DNAJC10: variants seen among roughly 807,000 people sequenced by gnomAD.
The protein encoded by DNAJC10 is DnaJ heat shock protein family (Hsp40) member C10, also known as endoplasmic reticulum disulfide reductase DNAJC10.
In DNAJC10, 101 loss-of-function variants were observed where a neutral mutation model predicts 115.0. The observed-to-expected ratio is 0.88, with a 90% CI of 0.75 to 1.04. The LOEUF (loss-of-function observed/expected upper bound fraction) is 1.04, where lower values mean the gene tolerates loss of function less well. Among genes scored for constraint, DNAJC10 ranks in the 50% least tolerant of loss-of-function variants. The pLI, the probability that DNAJC10 is intolerant of heterozygous loss-of-function variation, is 0.00. For synonymous variants in DNAJC10, 307 were observed against 301.5 expected, an observed-to-expected ratio of 1.02 and a Z score of -0.19; for missense variants, 981 against 928.8, an observed-to-expected ratio of 1.06 and a Z score of -0.73.
rs1370050759 is a variant in DNAJC10 at position 182,793,864 on chromosome 2, A to ACACACACACACTAC, written c.*16733_*16734insACACACACACTACC. The ACACACACACACTAC allele has an allele frequency of 7.1e-6, 1 of 140,790 alleles. No individual in the cohort carries two copies. Among genetic ancestry groups the ACACACACACACTAC allele is most frequent in the African/African-American group, 2.5e-5 (1 of 39,396 alleles). 8.7% of individuals were successfully genotyped at this position (140,790 alleles called of 1,614,324 possible). On this transcript the variant is annotated 3_prime_UTR_variant, in exon 24 of 24. Transcript: ENST00000264065. ...CACACACACACACACACACACACAC[A>ACACACACACACTAC]CTACCTACAAAAAAATAACAATTAG...
chr2:182,746,464 T>A (rs1693869266), intron 14 of DNAJC10, among the ~76,000 whole-genome samples: 1 of 152,182 alleles, frequency 6.6e-6, no homozygotes, highest in Non-Finnish European at 1.5e-5. Context: ...TCATTTTGAT[T>A]TGCATTTCTC....
Position 182,752,111 on chromosome 2 carries a change from A to G in DNAJC10, c.1474A>G (p.Arg492Gly), listed in dbSNP as rs368684952. Residue 492 changes from arginine to glycine, a missense_variant, in exon 16 of 24, where the codon AGA becomes GGA. Arg to Gly is a moderately radical substitution (Grantham distance 125). Transcript: ENST00000264065. ...PCRALLPELR[R>G]ASNLLYGQLK... ...TCGAGCTTTACTACCAGAGTTACGA[A>G]GAGCATCAAATCTTCTTTATGGTCA... The G allele has an allele frequency of 9.3e-6, 15 of 1,613,730 alleles. No homozygotes were observed. In the African/African-American group the frequency reaches 1.3e-4, roughly 14 times the overall value.
Position 182,784,320 on chromosome 2 carries a change from T to A in DNAJC10, c.*7188T>A, listed in dbSNP as rs569317484. Reference sequence around the variant, plus strand: ...GCCTGGGTGACGGAGTAAGACCCTGTCTAAAAAAAAACAAAACAACAAAAA... The same window carrying A: ...GCCTGGGTGACGGAGTAAGACCCTGACTAAAAAAAAACAAAACAACAAAAA... On this transcript the variant is annotated 3_prime_UTR_variant, in exon 24 of 24. Transcript: ENST00000264065. 8.6e-5 allele frequency: 13 copies of A among 152,036 alleles called. No homozygotes were observed. The highest frequency in any genetic ancestry group is 2.9e-4 in the African/African-American group (12 of 41,432). 9.4% of individuals were successfully genotyped at this position (152,036 alleles called of 1,614,324 possible).
At chr2:182,716,678 C>G (rs1428034375) in intron 1 of DNAJC10, among the ~76,000 whole-genome samples, 195 bp downstream of exon 1, 1 of 152,222 alleles carries the variant, frequency 6.6e-6, no homozygotes, top group East Asian at 1.9e-4. Context: ...GCGATTCCCT[C>G]TCAGTTACTT....
intron 23 of DNAJC10, among the ~76,000 whole-genome samples, chr2:182,776,787 G>T (rs1226255419): frequency 6.6e-6 from 1 of 152,070 alleles, no homozygotes; most frequent in Non-Finnish European, 1.5e-5. Flanking sequence ...TTTGAAAGGT[G>T]TAACTTTTAT....
Position 182,758,893 on chromosome 2 carries a change from G to T in DNAJC10, c.1997+3G>T. ...TCCCTGAGAATCTGGGGTCTAGGGT[G>T]AGTAATTAAAATATATATCATTGTA... On this transcript the variant is annotated splice_donor_region_variant and intron_variant, in intron 20 of 23. Coordinates refer to ENST00000264065, the MANE Select transcript of DNAJC10 (RefSeq NM_018981.4). 6.3e-7 allele frequency: 1 copy of T among 1,587,746 alleles called. No homozygotes were observed. The highest frequency in any genetic ancestry group is 1.1e-5 in the South Asian group (1 of 90,246).
rs531907402 is a variant in DNAJC10, at chr2:182,778,440, G to A, written c.*1308G>A. ...TGTAGTTGTTTAGTTATAATTCAGA[G>A]TGTACAGAATGGTAAAAATTCCAAT... On this transcript the variant is annotated 3_prime_UTR_variant, in exon 24 of 24. Transcript: ENST00000264065. 6.6e-6 allele frequency: 1 copy of A among 152,296 alleles called. No individual in the cohort carries two copies. The highest frequency in any genetic ancestry group is 1.5e-5 in the Non-Finnish European group (1 of 68,024). The allele number at this position is 152,296 out of a possible 1,614,324, so 9.4% of individuals were successfully genotyped here. A position where few individuals can be genotyped will look rare whatever the true frequency, so the allele number is the denominator to read the frequency against.
intron 22 of DNAJC10, among the ~76,000 whole-genome samples, chr2:182,769,453 G>A (rs983502810): frequency 6.6e-6 from 1 of 152,160 alleles, no homozygotes; most frequent in Non-Finnish European, 1.5e-5. Flanking sequence ...CAGTGTAAAA[G>A]TGTTCCTGTT....
intron 11 of DNAJC10, among the ~76,000 whole-genome samples, chr2:182,738,130 T>C (rs1249439294): frequency 6.6e-6 from 1 of 152,232 alleles, no homozygotes; most frequent in Non-Finnish European, 1.5e-5. Flanking sequence ...ACTGACTAGA[T>C]GTGACATACT....
chr2:182,732,879 GCT>G (rs779864716), intron 10 of DNAJC10: 9 of 268,512 alleles, frequency 3.4e-5, no homozygotes, highest in Admixed American at 5.6e-5. Context: ...AATGTATATA[GCT>G]CTCATGTTAT....
chr2:182,750,545 C>T lies in DNAJC10; in HGVS notation c.1307-1113C>T, dbSNP rs189540229. Among the ~76,000 whole-genome samples, 1,101 of 152,170 alleles carry T rather than the reference C, an allele frequency of 7.2e-3. 5 individuals carry two copies. The highest frequency in any genetic ancestry group is 0.032 in the South Asian group (154 of 4,818). On this transcript the variant is annotated intron_variant, in intron 14 of 23. Transcript: ENST00000264065. ...TATTGCCATGTGTCAACGACAGAGA[C>T]GTCTTCTGAGAAATGTGTCATTAGG...
chr2:182,785,973 A>T lies in DNAJC10; in HGVS notation c.*8841A>T, dbSNP rs1694938839. 6.6e-6 allele frequency: 1 copy of T among 152,146 alleles called. No homozygotes were observed. Among genetic ancestry groups the T allele is most frequent in the African/African-American group, 2.4e-5 (1 of 41,446 alleles). The allele number at this position is 152,146 out of a possible 1,614,324, so 9.4% of individuals were successfully genotyped here. On this transcript the variant is annotated 3_prime_UTR_variant, in exon 24 of 24. Transcript: ENST00000264065. ...GTAACCAGGATCTGAGAGAAACCAA[A>T]AAAAAGTGGGGAGATAATAATCCAG...
At position 182,728,847 on chromosome 2, in the gene DNAJC10, TC is replaced by T; in HGVS notation, c.502-15del. On this transcript the variant is annotated splice_polypyrimidine_tract_variant and intron_variant, in intron 6 of 23. Coordinates refer to ENST00000264065, the MANE Select transcript of DNAJC10 (RefSeq NM_018981.4). ...GTGGTCTTATCAGAGAAATATGTTTTCTTTTTCTGTCATAGTGGAGAGACTT... is the reference window on the plus strand; with the variant it reads ...GTGGTCTTATCAGAGAAATATGTTTTTTTTTCTGTCATAGTGGAGAGACTT... 1 of 1,613,864 alleles carries T rather than the reference TC, an allele frequency of 6.2e-7. No homozygotes were observed. The highest frequency in any genetic ancestry group is 8.5e-7 in the Non-Finnish European group (1 of 1,179,872).
In DNAJC10 at chr2:182,791,270, C is replaced by G. The variant is rs778832569; in HGVS notation, c.*14138C>G. On this transcript the variant is annotated 3_prime_UTR_variant, in exon 24 of 24. Transcript: ENST00000264065. ...CTAGTTGGCAACAAAAACTAGTATG[C>G]CTTGGTGTGAATAAACCTTAACATA... The G allele has an allele frequency of 3.9e-5, 6 of 152,046 alleles. No homozygotes were observed. Among genetic ancestry groups the G allele is most frequent in the Non-Finnish European group, 8.8e-5 (6 of 67,996 alleles). 9.4% of individuals were successfully genotyped at this position (152,046 alleles called of 1,614,324 possible).
chr2:182,723,587 A>G (rs1057176121), intron 5 of DNAJC10, among the ~76,000 whole-genome samples: 2 of 152,222 alleles, frequency 1.3e-5, no homozygotes, highest in Non-Finnish European at 2.9e-5. Flanking sequence ...TGAGTTATAT[A>G]AACCTATAGC....
chr2:182,736,287 C>G lies in DNAJC10; in HGVS notation c.888C>G (p.Thr296=). ...LVNVGWMDCA[T]QDNLCKSLDI... is the part of the protein sequence containing the mutation. The stretch of plus-strand genomic sequence containing the variant: ...ATGTAGGATGGATGGACTGTGCCAC[C>G]CAGGATAACCTTTGTAAAAGCTTAG... Residue 296 remains threonine (T), a synonymous_variant, in exon 11 of 24, where the codon ACC becomes ACG. Transcript: ENST00000264065. 3 of 1,590,178 alleles carry G rather than the reference C, an allele frequency of 1.9e-6. No individual in the cohort carries two copies. The highest frequency in any genetic ancestry group is 2.6e-6 in the Non-Finnish European group (3 of 1,171,366).
rs186673016 is a variant in DNAJC10 at position 182,736,894 on chromosome 2, C to T, written c.987+508C>T. 7.2e-3 allele frequency among the ~76,000 whole-genome samples: 1,098 copies of T among 152,166 alleles called. 5 individuals are homozygous for T. The highest frequency in any genetic ancestry group is 0.032 in the South Asian group (152 of 4,822). Reference sequence around the variant, plus strand: ...CCTCCTGAGTACCTGGGATTACAGGCGCCTGCCATCATGCCTGGCTAATTT... The same window carrying T: ...CCTCCTGAGTACCTGGGATTACAGGTGCCTGCCATCATGCCTGGCTAATTT... On this transcript the variant is annotated intron_variant, in intron 11 of 23. Coordinates refer to ENST00000264065, the MANE Select transcript of DNAJC10 (RefSeq NM_018981.4).
chr2:182,748,905 T>C lies in DNAJC10; in HGVS notation c.1307-2753T>C, dbSNP rs1384411197. Among the ~76,000 whole-genome samples the C allele has an allele frequency of 5.9e-5, 9 of 151,982 alleles. No homozygotes were observed. The East Asian group carries it at 1.4e-3, about 23-fold the overall frequency. ...AACATCTTTATTTCTGCCTTCATTT[T>C]GTTATGTACCCAGTAGTCATTCAGG... On this transcript the variant is annotated intron_variant, in intron 14 of 23. Coordinates refer to ENST00000264065, the MANE Select transcript of DNAJC10 (RefSeq NM_018981.4).
chr2:182,767,472 G>T lies in DNAJC10; in HGVS notation c.2265+4671G>T, dbSNP rs557026047. On this transcript the variant is annotated intron_variant, in intron 22 of 23. Coordinates refer to ENST00000264065, the MANE Select transcript of DNAJC10 (RefSeq NM_018981.4). ...CTGACCCATGATAACCCAACCCCTG[G>T]TATTTTATGCATGGGTCCCATCCTC... Among the ~76,000 whole-genome samples, 4 of 152,182 alleles carry T rather than the reference G, an allele frequency of 2.6e-5. No individual in the cohort carries two copies. The South Asian group carries it at 8.3e-4, about 32-fold the overall frequency.
Sources: allele counts gnomAD v4.1 joint callset (sites outside exome capture counted in the v4.1 genomes callset), GRCh38; gene constraint gnomAD v4.1.1; transcripts MANE v1.5; gene names NCBI Gene and HGNC (gene_info 2026-07-23, HGNC 2026-07-21).